The following LHX6 variants were observed in gnomAD, a reference collection of about 807,000 sequenced individuals.
LHX6 encodes the protein LIM homeobox 6, also known as LIM/homeobox protein Lhx6.
Under a neutral mutation model 47.1 loss-of-function variants are expected in LHX6, and 15 were observed. The ratio of observed to expected loss-of-function variants is 0.32; its 90% CI spans 0.21 to 0.49. LHX6 has a LOEUF of 0.49. LHX6 is among the 20% of genes least tolerant of loss of function. The probability of loss-of-function intolerance (pLI) is 0.99; values close to 1 mark genes in which losing one functional copy is unlikely to be tolerated. For missense variants in LHX6, 404 were observed against 539.6 expected, an observed-to-expected ratio of 0.75 and a Z score of 2.49; for synonymous variants, 242 against 233.5, an observed-to-expected ratio of 1.04 and a Z score of -0.33.
rs1291824569 is a variant in LHX6 at position 122,213,922 on chromosome 9, C to T, written c.879+52G>A. The stretch of plus-strand genomic sequence containing the variant: ...CCACCCTCCGCGCCGAGCCCAGCTA[C>T]GAGCTCCGGGGCGTGCCCGCGGTCC... On this transcript the variant is annotated intron_variant, in intron 7 of 9. Transcript: ENST00000394319. This position sits in a 1 kb window ranked among gnomAD's most constrained non-coding sequence, Gnocchi z 5.5. 1.3e-6 allele frequency: 2 copies of T among 1,550,030 alleles called. No homozygotes were observed. The highest frequency in any genetic ancestry group is 1.7e-5 in the Admixed American group (1 of 58,664).
Position 122,217,005 on chromosome 9 carries a change from C to G in LHX6, c.682+63G>C. On this transcript the variant is annotated intron_variant, in intron 5 of 9. Transcript: ENST00000394319. The surrounding 1 kb of genome is among the most constrained non-coding windows in gnomAD (Gnocchi z 4.9). ...AGGAGTGTGGGTGGTTCCTGGGGTG[C>G]TGGGGTGGGGTGGGGTGGGAAAGGG... 7.3e-7 allele frequency: 1 copy of G among 1,373,426 alleles called. No individual in the cohort carries two copies. Among genetic ancestry groups the G allele is most frequent in the Non-Finnish European group, 1.0e-6 (1 of 985,878 alleles). 85.1% of individuals were successfully genotyped at this position (1,373,426 alleles called of 1,614,324 possible). A position where few individuals can be genotyped will look rare whatever the true frequency, so the allele number is the denominator to read the frequency against.
chr9:122,217,329 A>G lies in LHX6; in HGVS notation c.462-41T>C. The G allele has an allele frequency of 6.5e-7, 1 of 1,538,106 alleles. No individual in the cohort carries two copies. Among genetic ancestry groups the G allele is most frequent in the Non-Finnish European group, 8.8e-7 (1 of 1,135,684 alleles). ...ACAGGCACGGGGTGTCGAGACTCAG[A>G]CAGGCCAACCTTCCTCCTTCCACCA... On this transcript the variant is annotated intron_variant, in intron 4 of 9. Transcript: ENST00000394319. The surrounding 1 kb of genome is among the most constrained non-coding windows in gnomAD (Gnocchi z 4.9).
In LHX6 at chr9:122,226,524, G is replaced by A. The variant is rs755685409; in HGVS notation, c.340-27C>T. The A allele has an allele frequency of 3.1e-6, 5 of 1,608,102 alleles. No individual in the cohort carries two copies. The highest frequency in any genetic ancestry group is 1.1e-5 in the South Asian group (1 of 90,548). On this transcript the variant is annotated intron_variant, in intron 3 of 9. Coordinates refer to ENST00000394319, the MANE Select transcript of LHX6 (RefSeq NM_014368.5). The surrounding 1 kb of genome is among the most constrained non-coding windows in gnomAD (Gnocchi z 6.5). ...TGGGGACGGGGCGGGGACGGAGGTC[G>A]GCTCAGCGCGGGCCTCTTTCACTCC...
chr9:122,226,653 T>A lies in LHX6; in HGVS notation c.340-156A>T, dbSNP rs1288036654. ...CCCGTAATACTGAGACTCAGGGAAA[T>A]GGAAATAAACTCTTCTTATTTTTCA... On this transcript the variant is annotated intron_variant, in intron 3 of 9. Coordinates refer to ENST00000394319, the MANE Select transcript of LHX6 (RefSeq NM_014368.5). The surrounding 1 kb of genome is among the most constrained non-coding windows in gnomAD (Gnocchi z 6.5). 3 of 1,286,872 alleles carry A rather than the reference T, an allele frequency of 2.3e-6. No homozygotes were observed. The highest frequency in any genetic ancestry group is 3.0e-5 in the African/African-American group (2 of 67,250). The allele number at this position is 1,286,872 out of a possible 1,614,324, so 79.7% of individuals were successfully genotyped here. A position where few individuals can be genotyped will look rare whatever the true frequency, so the allele number is the denominator to read the frequency against.
intron 5 of LHX6, among the ~76,000 whole-genome samples, chr9:122,215,417 A>C (rs1830559180): frequency 6.6e-6 from 1 of 152,214 alleles, no homozygotes; most frequent in African/African-American, 2.4e-5. Context: ...AACAGTAGCC[A>C]ATACTGAGGG....
chr9:122,214,026 T>C lies in LHX6; in HGVS notation c.827A>G (p.Gln276Arg). ...CATGTCCGCCAGCTTCTGCAGCGTC[T>C]GAGCGTCGGGGTTGTTGTCCTGCGC... ...QFAQDNNPDA[Q>R]TLQKLADMTG... is the part of the protein sequence containing the mutation. The change falls in exon 7 of 10, where the codon CAG becomes CGG. Residue 276 changes from glutamine to arginine, a missense_variant. Around this residue, in one of 7 missense-constraint regions of LHX6, gnomAD observed 23 missense variants for 28.6 expected, o/e 0.80. Transcript: ENST00000394319. This position sits in a 1 kb window ranked among gnomAD's most constrained non-coding sequence, Gnocchi z 4.6. 6.3e-7 allele frequency: 1 copy of C among 1,598,562 alleles called. No individual in the cohort carries two copies. Among genetic ancestry groups the C allele is most frequent in the Admixed American group, 1.7e-5 (1 of 59,762 alleles).
At position 122,228,257 on chromosome 9, in the gene LHX6, C is replaced by T. The variant is rs976982001; in HGVS notation, c.84+400G>A. The stretch of plus-strand genomic sequence containing the variant: ...CGGGACCAAAAAGAGAAAAGAGAGG[C>T]GCTCAAGGGGAGGAAAAAGCACCCT... On this transcript the variant is annotated intron_variant, in intron 1 of 9. Coordinates refer to ENST00000394319, the MANE Select transcript of LHX6 (RefSeq NM_014368.5). 1.5e-4 allele frequency: 224 copies of T among 1,534,638 alleles called. 3 individuals carry two copies. In the East Asian group the frequency reaches 5.3e-3, roughly 37 times the overall value.
At chr9:122,210,531 G>A (rs543645336) in intron 8 of LHX6, among the ~76,000 whole-genome samples, 2 of 152,044 alleles carry the variant, frequency 1.3e-5, no homozygotes, top group South Asian at 2.1e-4. Flanking sequence ...TCTTCCTCCC[G>A]GCTTTATTTC....
In LHX6 at chr9:122,203,679, G is replaced by A. The variant is rs1830064839; in HGVS notation, c.*1081C>T. 2 of 152,680 alleles carry A rather than the reference G, an allele frequency of 1.3e-5. No individual in the cohort carries two copies. Among genetic ancestry groups the A allele is most frequent in the Admixed American group, 1.3e-4 (2 of 15,288 alleles). 9.5% of individuals were successfully genotyped at this position (152,680 alleles called of 1,614,324 possible). A position where few individuals can be genotyped will look rare whatever the true frequency, so the allele number is the denominator to read the frequency against. On this transcript the variant is annotated 3_prime_UTR_variant, in exon 10 of 10. Coordinates refer to ENST00000394319, the MANE Select transcript of LHX6 (RefSeq NM_014368.5). ...CAGGAAGTATTGATTGGGAAGCTCA[G>A]AGGCACCAGTTGGAATCCTGAGCTT...
Position 122,217,552 on chromosome 9 carries a change from G to A in LHX6, c.462-264C>T, listed in dbSNP as rs565008315. On this transcript the variant is annotated intron_variant, in intron 4 of 9. Transcript: ENST00000394319. The surrounding 1 kb of genome is among the most constrained non-coding windows in gnomAD (Gnocchi z 4.9). ...GTCACTTATATTTGCATATTAATTT[G>A]TTTGTTAAAAATACATCACAAGTTA... Among the ~76,000 whole-genome samples, 21 of 152,244 alleles carry A rather than the reference G, an allele frequency of 1.4e-4. No homozygotes were observed. The highest frequency in any genetic ancestry group is 4.3e-4 in the African/African-American group (18 of 41,524).
At chr9:122,206,049 C>A (rs971876117) in intron 9 of LHX6, among the ~76,000 whole-genome samples, 1 of 152,188 alleles carries the variant, frequency 6.6e-6, no homozygotes, top group Non-Finnish European at 1.5e-5. Flanking sequence ...GACCCTTCCC[C>A]TCCATGGGTC....
In LHX6 at chr9:122,216,990, G is replaced by A; in HGVS notation, c.682+78C>T. ...GGGCCCAATCGGTAGAGGAGTGTGG[G>A]TGGTTCCTGGGGTGCTGGGGTGGGG... On this transcript the variant is annotated intron_variant, in intron 5 of 9. Coordinates refer to ENST00000394319, the MANE Select transcript of LHX6 (RefSeq NM_014368.5). 4.0e-6 allele frequency: 5 copies of A among 1,240,786 alleles called. No homozygotes were observed. In the South Asian group the frequency reaches 6.7e-5, roughly 17 times the overall value. The allele number at this position is 1,240,786 out of a possible 1,614,324, so 76.9% of individuals were successfully genotyped here. A position where few individuals can be genotyped will look rare whatever the true frequency, so the allele number is the denominator to read the frequency against.
rs1588344949 is a variant in LHX6 at position 122,214,491 on chromosome 9, T to C, written c.683-108A>G. 1 of 1,384,388 alleles carries C rather than the reference T, an allele frequency of 7.2e-7. No individual in the cohort carries two copies. Among genetic ancestry groups the C allele is most frequent in the African/African-American group, 1.5e-5 (1 of 65,330 alleles). The allele number at this position is 1,384,388 out of a possible 1,614,324, so 85.8% of individuals were successfully genotyped here. On this transcript the variant is annotated intron_variant, in intron 5 of 9. Transcript: ENST00000394319. The surrounding 1 kb of genome is among the most constrained non-coding windows in gnomAD (Gnocchi z 4.6). The stretch of plus-strand genomic sequence containing the variant: ...TCCCTGGAAGGGTCAGGAGCGGGAG[T>C]TGGCTGGGAGCAGGGATCCCAGGGT...
intron 1 of LHX6, 172 bp downstream of exon 1, chr9:122,228,485 G>A (rs1246489505): frequency 2.4e-6 from 3 of 1,262,726 alleles, no homozygotes; most frequent in African/African-American, 2.5e-5. Flanking sequence ...CGCTTTCCGC[G>A]ACCCCCCCCC....
At position 122,217,174 on chromosome 9, in the gene LHX6, C is replaced by T. The variant is rs141830577; in HGVS notation, c.576G>A (p.Lys192=). 4.4e-4 allele frequency: 715 copies of T among 1,614,124 alleles called. 6 individuals carry two copies. The highest frequency in any genetic ancestry group is 6.7e-4 in the Admixed American group (40 of 60,012). The stretch of plus-strand genomic sequence containing the variant: ...ACTCCTCACCAGTGGACAGCTGGCG[C>T]TTGCACGAGAAGCAGGCGAAGCAGG... ...HLACFACFSC[K]RQLSTGEEFG... Residue 192 remains lysine, a synonymous_variant, in exon 5 of 10, where the codon AAG becomes AAA. Coordinates refer to ENST00000394319, the MANE Select transcript of LHX6 (RefSeq NM_014368.5). This position sits in a 1 kb window ranked among gnomAD's most constrained non-coding sequence, Gnocchi z 4.9.
Position 122,226,927 on chromosome 9 carries a change from G to A in LHX6, c.260C>T (p.Ala87Val), listed in dbSNP as rs780658108. The change falls in exon 3 of 10, where the codon GCC becomes GTC. Residue 87 changes from alanine to valine, a missense_variant. This residue lies in a region of LHX6 where 144 missense variants were observed against 128.7 expected (regional missense o/e 1.12). Transcript: ENST00000394319. The surrounding 1 kb of genome is among the most constrained non-coding windows in gnomAD (Gnocchi z 6.5). ...STPSVCSPPS[A>V]ASSVPSAGKN... ...GCCTGCAGACGGCACGGAGGAGGCG[G>A]CAGAGGGCGGTGAGCAGACAGATGG... The A allele has an allele frequency of 3.2e-6, 5 of 1,559,702 alleles. No individual in the cohort carries two copies. The highest frequency in any genetic ancestry group is 4.3e-6 in the Non-Finnish European group (5 of 1,151,832).
At chr9:122,223,523 TC>T (rs537006643) in intron 4 of LHX6, among the ~76,000 whole-genome samples, 12 of 151,846 alleles carry the variant, frequency 7.9e-5, no homozygotes, top group Admixed American at 7.9e-4. Context: ...TATAGAGACT[TC>T]CCCCCAACAG....
At chr9:122,228,493 C>CG (rs201448634) in intron 1 of LHX6, 164 bp downstream of exon 1, 2 of 1,337,936 alleles carry the variant, frequency 1.5e-6, no homozygotes, top group African/African-American at 3.9e-5. Context: ...GCGACCCCCC[C>CG]CCCCCGCTCG....
At chr9:122,209,530 C>A (rs1812081376) in intron 9 of LHX6, 84 bp downstream of exon 9, 1 of 1,589,148 alleles carries the variant, frequency 6.3e-7, no homozygotes, top group Non-Finnish European at 8.5e-7. Context: ...AGCATGGTAC[C>A]AAATGGTTAA....
Sources: gnomAD v4.1 joint callset for allele counts (sites outside exome capture counted in the v4.1 genomes callset) on GRCh38, gnomAD v4.1.1 for gene constraint, gnomAD v4.1.1 regional missense constraint, Gnocchi (gnomAD v3.1) non-coding constraint, MANE v1.5 for transcripts, NCBI Gene and HGNC (gene_info 2026-07-23, HGNC 2026-07-21) for gene names.